RABGAP1L: variants seen among roughly 807,000 people sequenced by gnomAD.
RABGAP1L encodes rab GTPase-activating protein 1-like.
Under a neutral mutation model 137.7 loss-of-function variants are expected in RABGAP1L, and 63 were observed. The observed-to-expected ratio is 0.46, with a 90% CI of 0.37 to 0.56. The LOEUF (loss-of-function observed/expected upper bound fraction) is 0.56, where lower values mean the gene tolerates loss of function less well. RABGAP1L is among the 20% of genes least tolerant of loss of function. The pLI is 0.00. For missense variants in RABGAP1L, 1,095 were observed against 1,244.0 expected, an observed-to-expected ratio of 0.88 and a Z score of 1.80; for synonymous variants, 431 against 433.7, an observed-to-expected ratio of 0.99 and a Z score of 0.08.
intron 13 of RABGAP1L, among the ~76,000 whole-genome samples, chr1:174,610,469 G>A (rs1196872089): frequency 6.6e-6 from 1 of 151,848 alleles, no homozygotes; most frequent in East Asian, 1.9e-4. Context: ...TGGACATTTG[G>A]GTTGGTTCCA....
chr1:174,892,319 A>G (rs1656313342), intron 19 of RABGAP1L: 3 of 331,116 alleles, frequency 9.1e-6, no homozygotes, highest in African/African-American at 4.5e-5. Flanking sequence ...TATTTCAGCC[A>G]TTGCTGAAAA....
intron 19 of RABGAP1L, among the ~76,000 whole-genome samples, chr1:174,948,411 A>G (rs1573966121): frequency 1.3e-5 from 2 of 150,584 alleles, no homozygotes; most frequent in Admixed American, 6.6e-5. Flanking sequence ...AGTCCCAGCT[A>G]CAGGCTAAGA....
intron 19 of RABGAP1L, among the ~76,000 whole-genome samples, chr1:174,865,575 G>A (rs1423145154): frequency 1.0e-5 from 1 of 96,682 alleles, no homozygotes; most frequent in Non-Finnish European, 1.8e-5. Flanking sequence ...ATAGATATCA[G>A]AGATTTTTTT....
chr1:174,907,844 C>T (rs1659369637), intron 19 of RABGAP1L, among the ~76,000 whole-genome samples: 2 of 152,100 alleles, frequency 1.3e-5, no homozygotes, highest in Admixed American at 1.3e-4. Flanking sequence ...TATAAATGGT[C>T]TCAGTTCTCC....
At chr1:174,660,134 A>G (rs1034339147) in intron 14 of RABGAP1L, among the ~76,000 whole-genome samples, 2 of 152,218 alleles carry the variant, frequency 1.3e-5, no homozygotes, top group Non-Finnish European at 2.9e-5. Flanking sequence ...AATGATCTGT[A>G]TACACCCCTT....
intron 18 of RABGAP1L, among the ~76,000 whole-genome samples, chr1:174,757,593 A>C (rs957823411): frequency 6.6e-6 from 1 of 150,414 alleles, no homozygotes; most frequent in African/African-American, 2.4e-5. Flanking sequence ...AAGCAATTTA[A>C]AAGTAATGAT....
At chr1:174,315,787 T>C (rs936002318) in intron 11 of RABGAP1L, among the ~76,000 whole-genome samples, 2 of 152,158 alleles carry the variant, frequency 1.3e-5, no homozygotes, top group East Asian at 3.9e-4. Flanking sequence ...AATATTGGTA[T>C]CTTTCTCTAG....
chr1:174,386,105 G>T (rs1686749090), intron 12 of RABGAP1L, among the ~76,000 whole-genome samples: 1 of 152,180 alleles, frequency 6.6e-6, no homozygotes. Flanking sequence ...TAGTGGAGGG[G>T]TTGAATTTGG....
intron 14 of RABGAP1L, among the ~76,000 whole-genome samples, chr1:174,668,258 C>G (rs1335202428): frequency 6.6e-6 from 1 of 152,172 alleles, no homozygotes; most frequent in Non-Finnish European, 1.5e-5. Flanking sequence ...TCTCAGCACT[C>G]CCTTCCTCCT....
chr1:174,649,019 C>G (rs770118671), intron 14 of RABGAP1L, among the ~76,000 whole-genome samples: 2 of 152,038 alleles, frequency 1.3e-5, no homozygotes, highest in Non-Finnish European at 2.9e-5. Context: ...ACTAGGATTG[C>G]CACCCCTGCT....
intron 17 of RABGAP1L, among the ~76,000 whole-genome samples, chr1:174,719,759 A>C (rs1403807072): frequency 6.6e-6 from 1 of 152,234 alleles, no homozygotes; most frequent in Non-Finnish European, 1.5e-5. Context: ...TCATCAGTCC[A>C]AATTCAGCCA....
intron 13 of RABGAP1L, among the ~76,000 whole-genome samples, chr1:174,548,774 G>T (rs1038257167): frequency 2.0e-5 from 3 of 152,034 alleles, no homozygotes; most frequent in Non-Finnish European, 4.4e-5. Context: ...GTAATTATTT[G>T]ATGTTTATTT....
At chr1:174,939,547 CAAAA>C (rs780377420) in intron 19 of RABGAP1L, among the ~76,000 whole-genome samples, 2 of 79,198 alleles carry the variant, frequency 2.5e-5, no homozygotes, top group Non-Finnish European at 3.4e-5. Flanking sequence ...CTCTGTCTCA[CAAAA>C]AAAAAAAAAA....
intron 13 of RABGAP1L, among the ~76,000 whole-genome samples, chr1:174,398,440 G>T (rs2149094998): frequency 6.6e-6 from 1 of 152,108 alleles, no homozygotes; most frequent in East Asian, 1.9e-4. Flanking sequence ...AACTATCTGG[G>T]GGCTTACCAT....
At chr1:174,256,695 C>A (rs996299622) in intron 7 of RABGAP1L, among the ~76,000 whole-genome samples, 7 of 152,132 alleles carry the variant, frequency 4.6e-5, no homozygotes, top group African/African-American at 1.7e-4. Flanking sequence ...GCAGGAGAAT[C>A]CCTTGAACCC....
intron 4 of RABGAP1L, among the ~76,000 whole-genome samples, chr1:174,231,762 C>T (rs948441583): frequency 2.6e-5 from 4 of 151,964 alleles, no homozygotes; most frequent in South Asian, 2.1e-4. Context: ...GGAGCAAGAG[C>T]GAGAAGGGGG....
chr1:174,492,944 T>A (rs927821860), intron 13 of RABGAP1L, among the ~76,000 whole-genome samples: 10 of 152,014 alleles, frequency 6.6e-5, no homozygotes, highest in Non-Finnish European at 2.9e-5. Flanking sequence ...GTAGCCTTAA[T>A]ACATTGCAGC....
At chr1:174,462,856 C>T (rs1571917828) in intron 13 of RABGAP1L, among the ~76,000 whole-genome samples, 1 of 152,172 alleles carries the variant, frequency 6.6e-6, no homozygotes, top group South Asian at 2.1e-4. Flanking sequence ...GGAACAGATG[C>T]TTCTCAAAAA....
At chr1:174,249,214 A>C (rs1672511817) in intron 5 of RABGAP1L, among the ~76,000 whole-genome samples, 1 of 152,200 alleles carries the variant, frequency 6.6e-6, no homozygotes, top group African/African-American at 2.4e-5. Flanking sequence ...GAATAAGACC[A>C]TTTCAGCATT....
Sources: gnomAD v4.1 joint callset for allele counts (sites outside exome capture counted in the v4.1 genomes callset) on GRCh38, gnomAD v4.1.1 for gene constraint, MANE v1.5 for transcripts, NCBI Gene and HGNC (gene_info 2026-07-23, HGNC 2026-07-21) for gene names.